Variants in MTA3 observed in about 807,000 individuals in gnomAD.
MTA3 encodes metastasis associated 1 family member 3.
MTA3 carries 34 observed loss-of-function variants against 83.5 expected under a neutral mutation model. That is an observed-to-expected ratio of 0.41 (90% CI 0.31 to 0.54). The LOEUF is 0.54. Among genes scored for constraint, MTA3 ranks in the 20% least tolerant of loss-of-function variants. The pLI is 0.33. For missense variants in MTA3, 761 were observed against 726.4 expected (o/e 1.05, Z -0.55); for synonymous variants, 303 against 252.7 (o/e 1.20, Z -1.89).
intron 16 of MTA3, among the ~76,000 whole-genome samples, chr2:42,746,101 T>C (rs980809292): frequency 1.3e-5 from 2 of 152,168 alleles, no homozygotes; most frequent in Non-Finnish European, 2.9e-5. Context: ...CGTGAGCCAC[T>C]GCGCCCTGCC....
At chr2:42,494,953 A>T (rs916575186) in exon 1 of MTA3, 3 of 152,360 alleles carry the variant, frequency 2.0e-5, no homozygotes, top group Admixed American at 1.3e-4. Flanking sequence ...GCTACCAGCA[A>T]TTCATTCACC....
chr2:42,662,421 A>T (rs1352496533), intron 8 of MTA3, among the ~76,000 whole-genome samples: 1 of 151,624 alleles, frequency 6.6e-6, no homozygotes, highest in East Asian at 1.9e-4. Flanking sequence ...TATAGAGTTT[A>T]ATTTTGTGAA....
At chr2:42,594,725 TATA>T (rs1332223032) in intron 3 of MTA3, among the ~76,000 whole-genome samples, 664 of 41,156 alleles carry the variant, frequency 0.016, 30 homozygotes, top group African/African-American at 0.12. Context: ...TATATATATA[TATA>T]TTTTTTTTTT....
chr2:42,578,424 G>C (rs2103866736), intron 2 of MTA3, among the ~76,000 whole-genome samples: 1 of 152,282 alleles, frequency 6.6e-6, no homozygotes, highest in South Asian at 2.1e-4. Flanking sequence ...TAGCCAAAAA[G>C]AAATGAGAGT....
intron 5 of MTA3, among the ~76,000 whole-genome samples, chr2:42,641,820 C>T (rs557580478): frequency 1.3e-5 from 2 of 151,802 alleles, no homozygotes; most frequent in African/African-American, 2.4e-5. Flanking sequence ...GAGCCGAGAT[C>T]GCGCTACTAT....
chr2:42,513,727 T>C (rs887338436), intron 2 of MTA3, among the ~76,000 whole-genome samples: 1 of 152,188 alleles, frequency 6.6e-6, no homozygotes, highest in African/African-American at 2.4e-5. Flanking sequence ...AGTGCTGGAC[T>C]CAGTGAGCCG....
At chr2:42,682,810 C>T (rs1297026385) in intron 9 of MTA3, 13 of 457,684 alleles carry the variant, frequency 2.8e-5, no homozygotes, top group Non-Finnish European at 3.9e-5. Context: ...CGGTGGCTCA[C>T]GTCTGTAATT....
intron 9 of MTA3, among the ~76,000 whole-genome samples, chr2:42,686,719 C>T (rs1266884163): frequency 2.6e-5 from 4 of 151,810 alleles, no homozygotes; most frequent in Non-Finnish European, 4.4e-5. Context: ...GCCAGTTACT[C>T]GATAGACTGA....
At chr2:42,517,033 G>A (rs1192506643) in intron 2 of MTA3, among the ~76,000 whole-genome samples, 2 of 152,126 alleles carry the variant, frequency 1.3e-5, no homozygotes, top group African/African-American at 4.8e-5. Flanking sequence ...GCCGAGGCGG[G>A]CAGATCACCT....
intron 3 of MTA3, among the ~76,000 whole-genome samples, chr2:42,599,874 A>T (rs1682336293): frequency 6.6e-6 from 1 of 152,018 alleles, no homozygotes; most frequent in Non-Finnish European, 1.5e-5. Context: ...CAGTTAGGGA[A>T]ATGTTTTCCA....
At chr2:42,594,919 CATTT>C (rs1681592776) in intron 3 of MTA3, among the ~76,000 whole-genome samples, 6 of 121,424 alleles carry the variant, frequency 4.9e-5, no homozygotes, top group African/African-American at 1.9e-4. Context: ...TTTATTTATT[CATTT>C]ATTTATTTTT....
intron 2 of MTA3, among the ~76,000 whole-genome samples, chr2:42,523,578 G>A (rs756772578): frequency 6.6e-6 from 1 of 152,106 alleles, no homozygotes; most frequent in East Asian, 1.9e-4. Flanking sequence ...GGAAATCAGC[G>A]TTTGTTCTTT....
At chr2:42,707,490 G>A (rs1041327827) in intron 12 of MTA3, among the ~76,000 whole-genome samples, 53 of 151,972 alleles carry the variant, frequency 3.5e-4, no homozygotes, top group African/African-American at 1.1e-3. Context: ...CTCATGGTCC[G>A]CCTGCCTCAA....
intron 2 of MTA3, chr2:42,533,520 C>CTTTTTTTTTTTTTTTTTT (rs763768263): frequency 7.8e-6 from 1 of 128,604 alleles, no homozygotes. Context: ...CTTTTCTTTT[C>CTTTTTTTTTTTTTTTTTT]TTTTTTTTTT....
intron 7 of MTA3, among the ~76,000 whole-genome samples, chr2:42,658,645 G>A (rs1486373721): frequency 6.6e-6 from 1 of 152,180 alleles, no homozygotes; most frequent in Admixed American, 6.5e-5. Context: ...GGAGCTTGAG[G>A]AGCCTCTGGG....
rs1690954090 is a variant in MTA3, at chr2:42,672,870, G to A, written c.703-9531G>A. ...GCTTTTTTTTTTTTTTTTTTGAGAC[G>A]GAGTCTGCCTCTGTCACCCAGGCTG... On this transcript the variant is annotated intron_variant, in intron 8 of 16. Coordinates refer to ENST00000405094, the MANE Select transcript of MTA3 (RefSeq NM_001330442.2). Among the ~76,000 whole-genome samples the A allele has an allele frequency of 2.1e-5, 3 of 145,968 alleles. No individual in the cohort carries two copies. The Admixed American group carries it at 2.1e-4, about 10-fold the overall frequency.
chr2:42,592,064 G>C (rs1398711456), intron 3 of MTA3, among the ~76,000 whole-genome samples: 1 of 151,778 alleles, frequency 6.6e-6, no homozygotes, highest in African/African-American at 2.4e-5. Context: ...AGGAGTTGGA[G>C]ACCAGTCTGG....
intron 8 of MTA3, among the ~76,000 whole-genome samples, chr2:42,663,346 A>G (rs1042151354): frequency 6.6e-6 from 1 of 152,228 alleles, no homozygotes; most frequent in African/African-American, 2.4e-5. Flanking sequence ...TGTGCAGGAC[A>G]GCAGGTGAAT....
At chr2:42,620,302 A>T (rs545110153) in intron 4 of MTA3, among the ~76,000 whole-genome samples, 6 of 152,092 alleles carry the variant, frequency 3.9e-5, no homozygotes, top group African/African-American at 1.4e-4. Flanking sequence ...TATTTTTAAT[A>T]GAGACGGTGT....
Sources: allele counts gnomAD v4.1 joint callset (sites outside exome capture counted in the v4.1 genomes callset), GRCh38; gene constraint gnomAD v4.1.1; transcripts MANE v1.5; gene names NCBI Gene and HGNC (gene_info 2026-07-23, HGNC 2026-07-21).